PTCHD4: variants seen among roughly 807,000 people sequenced by gnomAD.
The protein encoded by PTCHD4 is patched domain containing 4.
PTCHD4 carries 33 observed loss-of-function variants against 58.1 expected under a neutral mutation model. The observed-to-expected ratio is 0.57, with a 90% CI of 0.43 to 0.76. The LOEUF (loss-of-function observed/expected upper bound fraction) is 0.76, where lower values mean the gene tolerates loss of function less well. PTCHD4 is among the 30% of genes least tolerant of loss of function. The pLI is 0.00. For missense variants in PTCHD4, 1,058 were observed against 1,027.1 expected (o/e 1.03, Z -0.41); for synonymous variants, 478 against 409.6 (o/e 1.17, Z -2.02).
At chr6:48,031,707 C>G (rs1353093656) in intron 3 of PTCHD4, among the ~76,000 whole-genome samples, 2 of 152,050 alleles carry the variant, frequency 1.3e-5, no homozygotes, top group South Asian at 2.1e-4. Context: ...ATTGATGAAG[C>G]ATTTCCCCAA....
At chr6:48,096,251 G>C (rs1020140862) in intron 1 of PTCHD4, among the ~76,000 whole-genome samples, 1 of 152,090 alleles carries the variant, frequency 6.6e-6, no homozygotes, top group African/African-American at 2.4e-5. Flanking sequence ...GATAGAGATT[G>C]AATGTGGAAG....
chr6:47,904,178 G>A (rs1764802479), intron 4 of PTCHD4, among the ~76,000 whole-genome samples: 1 of 152,160 alleles, frequency 6.6e-6, no homozygotes, highest in Admixed American at 6.5e-5. Context: ...AATAAGATGG[G>A]AGGCCATTAG....
chr6:48,085,267 A>G (rs143705840), intron 1 of PTCHD4, among the ~76,000 whole-genome samples: 1 of 152,288 alleles, frequency 6.6e-6, no homozygotes, highest in African/African-American at 2.4e-5. Flanking sequence ...ATTTATAAAA[A>G]TTAAGTTATT....
At chr6:48,002,728 G>T (rs1420292719) in intron 4 of PTCHD4, among the ~76,000 whole-genome samples, 3 of 151,518 alleles carry the variant, frequency 2.0e-5, no homozygotes, top group Admixed American at 2.0e-4. Context: ...CCTGCACATT[G>T]TGCACATGTA....
intron 4 of PTCHD4, among the ~76,000 whole-genome samples, chr6:47,987,804 T>A (rs1768130127): frequency 6.7e-6 from 1 of 150,276 alleles, no homozygotes; most frequent in African/African-American, 2.5e-5. Context: ...TGAGATGGAG[T>A]CTGGCTCTGT....
chr6:48,019,351 G>T (rs1303352823), intron 3 of PTCHD4, among the ~76,000 whole-genome samples: 1 of 152,226 alleles, frequency 6.6e-6, no homozygotes, highest in Non-Finnish European at 1.5e-5. Context: ...GTGGGGTGAG[G>T]ATAGAGTGGT....
chr6:48,074,366 T>C (rs922545033), intron 1 of PTCHD4, among the ~76,000 whole-genome samples: 8 of 152,230 alleles, frequency 5.3e-5, no homozygotes, highest in African/African-American at 1.4e-4. Flanking sequence ...GCCTTGCCCA[T>C]GCCCACAGCT....
At chr6:48,095,789 G>A (rs762789561) in intron 1 of PTCHD4, among the ~76,000 whole-genome samples, 2 of 151,770 alleles carry the variant, frequency 1.3e-5, no homozygotes, top group Non-Finnish European at 2.9e-5. Flanking sequence ...AGATGTGAGT[G>A]AAATTCATTG....
chr6:48,109,725 C>CA (rs1765824199), intron 1 of PTCHD4, among the ~76,000 whole-genome samples: 1 of 151,792 alleles, frequency 6.6e-6, no homozygotes. Flanking sequence ...AACAAAACCC[C>CA]AAAAAACAAA....
At chr6:47,969,901 A>G (rs1337195898) in intron 4 of PTCHD4, among the ~76,000 whole-genome samples, 3 of 152,164 alleles carry the variant, frequency 2.0e-5, no homozygotes, top group South Asian at 2.1e-4. Context: ...CCACAATCCA[A>G]ATAATAAACT....
rs888074514 is a variant in PTCHD4 at position 47,874,717 on chromosome 6, C to T, written c.*3586G>A. Among the ~76,000 whole-genome samples, 1 of 148,714 alleles carries T rather than the reference C, an allele frequency of 6.7e-6. No individual in the cohort carries two copies. Among genetic ancestry groups the T allele is most frequent in the Non-Finnish European group, 1.5e-5 (1 of 67,044 alleles). Reference sequence around the variant, plus strand: ...AAATTCTGTGGAAATAAATGGGAATCAAATAGGAAAGGGCCACTTACATGA... The same window carrying T: ...AAATTCTGTGGAAATAAATGGGAATTAAATAGGAAAGGGCCACTTACATGA... On this transcript the variant is annotated 3_prime_UTR_variant, in exon 5 of 5. Coordinates refer to ENST00000339488, the MANE Select transcript of PTCHD4 (RefSeq NM_001384253.1).
chr6:48,052,334 G>A (rs1036948654), intron 3 of PTCHD4, among the ~76,000 whole-genome samples: 2 of 151,578 alleles, frequency 1.3e-5, no homozygotes, highest in Non-Finnish European at 2.9e-5. Context: ...CAAGGTCACA[G>A]GTAAAGAACA....
At position 47,879,452 on chromosome 6, in the gene PTCHD4, C is replaced by T; in HGVS notation, c.1383G>A (p.Lys461=). The change falls in exon 5 of 5, where the codon AAG becomes AAA. Residue 461 remains lysine, a synonymous_variant. Transcript: ENST00000339488. ...TGAGATAGAGGATGACAACAAATGG[C>T]TTCACATATATATTGGTAATCCATT... ...YNEWITNIYV[K]PFVVILYLIY... 1.2e-6 allele frequency: 2 copies of T among 1,613,600 alleles called. No individual in the cohort carries two copies. Among genetic ancestry groups the T allele is most frequent in the Non-Finnish European group, 1.7e-6 (2 of 1,179,714 alleles).
chr6:47,945,380 G>A (rs1174775395), intron 4 of PTCHD4, among the ~76,000 whole-genome samples: 1 of 151,928 alleles, frequency 6.6e-6, no homozygotes, highest in Non-Finnish European at 1.5e-5. Flanking sequence ...ACTAACACCT[G>A]TGTACACCTA....
At chr6:47,925,079 G>A (rs978940605) in intron 4 of PTCHD4, among the ~76,000 whole-genome samples, 8 of 149,336 alleles carry the variant, frequency 5.4e-5, no homozygotes, top group Non-Finnish European at 4.4e-5. Flanking sequence ...ATATAAAAAA[G>A]CACTTACAAC....
intron 1 of PTCHD4, among the ~76,000 whole-genome samples, chr6:48,070,155 G>A (rs34969296): frequency 0.017 from 1,686 of 100,254 alleles, 25 homozygotes; most frequent in Admixed American, 0.078. Flanking sequence ...GTGTGTGTGT[G>A]TATATATATA....
rs369711978 is a variant in PTCHD4 at position 48,081,176 on chromosome 6, A to G, written c.-969-11250T>C. Among the ~76,000 whole-genome samples the G allele has an allele frequency of 3.9e-5, 6 of 152,228 alleles. No homozygotes were observed. The East Asian group carries it at 9.6e-4, about 24-fold the overall frequency. On this transcript the variant is annotated intron_variant, in intron 1 of 4. Coordinates refer to ENST00000339488, the MANE Select transcript of PTCHD4 (RefSeq NM_001384253.1). Reference sequence around the variant, plus strand: ...AAGGTAATAGCACAAGGATGGTGTGAAATGAAAAAATTTGAGAGCTACTTA... The same window carrying G: ...AAGGTAATAGCACAAGGATGGTGTGGAATGAAAAAATTTGAGAGCTACTTA...
chr6:47,861,064 G>A lies in PTCHD4; in HGVS notation c.*17239C>T, dbSNP rs978754608. 1.3e-5 allele frequency among the ~76,000 whole-genome samples: 2 copies of A among 151,796 alleles called. No homozygotes were observed. Among genetic ancestry groups the A allele is most frequent in the Non-Finnish European group, 1.5e-5 (1 of 67,872 alleles). On this transcript the variant is annotated 3_prime_UTR_variant, in exon 5 of 5. Transcript: ENST00000339488. Reference sequence around the variant, plus strand: ...ACATTTCAATCGCAGTCTAATTATTGAGCTCTCCCAATCCCTCCAGTGCTA... The same window carrying A: ...ACATTTCAATCGCAGTCTAATTATTAAGCTCTCCCAATCCCTCCAGTGCTA...
intron 4 of PTCHD4, among the ~76,000 whole-genome samples, chr6:47,889,501 G>A (rs1218194015): frequency 6.6e-6 from 1 of 151,774 alleles, no homozygotes; most frequent in African/African-American, 2.4e-5. Flanking sequence ...TTTTTGATGG[G>A]GTTGTTTTTT....
Sources: allele counts gnomAD v4.1 joint callset (sites outside exome capture counted in the v4.1 genomes callset), GRCh38; gene constraint gnomAD v4.1.1; transcripts MANE v1.5; gene names NCBI Gene and HGNC (gene_info 2026-07-23, HGNC 2026-07-21).